DIAPH3: variants seen among roughly 807,000 people sequenced by gnomAD.
DIAPH3 encodes diaphanous related formin 3.
Under a neutral mutation model 144.3 loss-of-function variants are expected in DIAPH3, and 117 were observed. The observed-to-expected ratio is 0.81, with a 90% confidence interval of 0.70 to 0.95. DIAPH3 has a LOEUF of 0.95. Among genes scored for constraint, DIAPH3 ranks in the 40% least tolerant of loss-of-function variants. DIAPH3 has a pLI of 0.00. For synonymous variants in DIAPH3, 519 were observed against 488.9 expected, an observed-to-expected ratio of 1.06 and a Z score of -0.81; for missense variants, 1,421 against 1,412.7, an observed-to-expected ratio of 1.01 and a Z score of -0.09.
chr13:60,010,622 C>T lies in DIAPH3; in HGVS notation c.819G>A (p.Leu273=). The T allele has an allele frequency of 2.5e-6, 4 of 1,613,632 alleles. No individual in the cohort carries two copies. Among genetic ancestry groups the T allele is most frequent in the Non-Finnish European group, 3.4e-6 (4 of 1,179,800 alleles). Residue 273 remains leucine, a synonymous_variant, in exon 8 of 28, where the codon TTG becomes TTA. Transcript: ENST00000400324. ...GGTGTCTGGGATCCACGGCTTTGGCCAATAAGGAAAGGCTCCTCTCCTCAC... is the reference window on the plus strand; with the variant it reads ...GGTGTCTGGGATCCACGGCTTTGGCTAATAAGGAAAGGCTCCTCTCCTCAC... ...IMSEERSLSL[L]AKAVDPRHPN...
chr13:59,852,104 T>C (rs2043010082), intron 22 of DIAPH3, among the ~76,000 whole-genome samples: 1 of 152,178 alleles, frequency 6.6e-6, no homozygotes, highest in Non-Finnish European at 1.5e-5. Context: ...ACTAGCTCTT[T>C]TTTCCATAAA....
chr13:59,756,989 T>C (rs1308015030), intron 27 of DIAPH3, among the ~76,000 whole-genome samples: 1 of 152,226 alleles, frequency 6.6e-6, no homozygotes, highest in African/African-American at 2.4e-5. Flanking sequence ...CATAGTTTGC[T>C]AAGAAATACT....
intron 17 of DIAPH3, among the ~76,000 whole-genome samples, chr13:59,945,994 A>G (rs1457288365): frequency 6.6e-6 from 1 of 152,252 alleles, no homozygotes; most frequent in Non-Finnish European, 1.5e-5. Flanking sequence ...TTAAGTAGGC[A>G]GTGAGTTACA....
chr13:59,801,004 A>G (rs1338194987), intron 25 of DIAPH3, among the ~76,000 whole-genome samples: 1 of 152,210 alleles, frequency 6.6e-6, no homozygotes, highest in African/African-American at 2.4e-5. Context: ...ATATCAAACC[A>G]TAAAATAAAT....
In DIAPH3 at chr13:59,850,645, C is replaced by G. The variant is rs537712269; in HGVS notation, c.2737+10762G>C. Among the ~76,000 whole-genome samples the G allele has an allele frequency of 3.3e-5, 5 of 151,928 alleles. No individual in the cohort carries two copies. The South Asian group carries it at 1.0e-3, about 32-fold the overall frequency. Reference sequence around the variant, plus strand: ...ATTTATTGATTTGCGTATATTGAACCAGCCTTGCATCCCAGGGATGAAGCC... The same window carrying G: ...ATTTATTGATTTGCGTATATTGAACGAGCCTTGCATCCCAGGGATGAAGCC... On this transcript the variant is annotated intron_variant, in intron 22 of 27. Transcript: ENST00000400324.
chr13:59,709,793 C>T (rs1484169894), intron 27 of DIAPH3, among the ~76,000 whole-genome samples: 7 of 152,254 alleles, frequency 4.6e-5, no homozygotes, highest in South Asian at 2.1e-4. Context: ...GACACATGCA[C>T]GTGTATGTTT....
chr13:59,843,545 G>A (rs1308382478), intron 22 of DIAPH3, among the ~76,000 whole-genome samples: 1 of 152,166 alleles, frequency 6.6e-6, no homozygotes, highest in Non-Finnish European at 1.5e-5. Context: ...GAAATGAGAA[G>A]GATCTCACCG....
intron 1 of DIAPH3, among the ~76,000 whole-genome samples, chr13:60,156,955 T>A (rs773310458): frequency 0.038 from 2,903 of 76,646 alleles, 102 homozygotes; most frequent in Non-Finnish European, 0.053. Context: ...TTTTTTTTTT[T>A]TTTTGAGACA....
At chr13:59,727,292 C>CAA (rs140481358) in intron 27 of DIAPH3, among the ~76,000 whole-genome samples, 27 of 151,396 alleles carry the variant, frequency 1.8e-4, no homozygotes, top group Non-Finnish European at 2.8e-4. Context: ...TCACATAGAG[C>CAA]AAAAAAAAAA....
intron 9 of DIAPH3, among the ~76,000 whole-genome samples, chr13:59,993,376 GATA>G (rs2051965239): frequency 6.6e-6 from 1 of 151,700 alleles, no homozygotes; most frequent in African/African-American, 2.4e-5. Flanking sequence ...TGTTGTTGTT[GATA>G]ATACTATTTT....
intron 14 of DIAPH3, among the ~76,000 whole-genome samples, chr13:59,976,566 C>A (rs943259355): frequency 3.3e-5 from 5 of 151,796 alleles, no homozygotes; most frequent in Non-Finnish European, 7.4e-5. Context: ...CATATTCAAC[C>A]TCTTTTCCTG....
chr13:59,839,399 A>G lies in DIAPH3; in HGVS notation c.2787T>C (p.Leu929=), dbSNP rs778886062. 6.2e-7 allele frequency: 1 copy of G among 1,613,770 alleles called. No individual in the cohort carries two copies. Among genetic ancestry groups the G allele is most frequent in the South Asian group, 1.1e-5 (1 of 91,078 alleles). ...TTTCCAATTCCTTCTCAAGCTGTTG[A>G]AGCTGCCTTCCCATCTGCCTCAAAT... ...EKNLRQMGRQ[L]QQLEKELETF... Residue 929 remains leucine (L), a synonymous_variant, in exon 23 of 28, where the codon CTT becomes CTC. Coordinates refer to ENST00000400324, the MANE Select transcript of DIAPH3 (RefSeq NM_001042517.2).
intron 1 of DIAPH3, among the ~76,000 whole-genome samples, chr13:60,156,918 C>CAT (rs1233542016): frequency 0.012 from 642 of 55,622 alleles, 20 homozygotes; most frequent in East Asian, 0.027. Flanking sequence ...CCAGATCCTT[C>CAT]ATATATATAT....
At chr13:60,037,004 C>T in intron 5 of DIAPH3, among the ~76,000 whole-genome samples, 1 of 10,142 alleles carries the variant, frequency 9.9e-5, no homozygotes, top group Non-Finnish European at 2.1e-4. Context: ...AGAAATCTCA[C>T]CCAGACACGT....
At chr13:60,129,504 A>C (rs2059082010) in intron 2 of DIAPH3, among the ~76,000 whole-genome samples, 1 of 152,182 alleles carries the variant, frequency 6.6e-6, no homozygotes, top group South Asian at 2.1e-4. Flanking sequence ...TAACCTTAAA[A>C]CATGAAGTAC....
At chr13:59,720,639 G>A (rs918522549) in intron 27 of DIAPH3, among the ~76,000 whole-genome samples, 6 of 152,062 alleles carry the variant, frequency 3.9e-5, no homozygotes, top group East Asian at 1.9e-4. Flanking sequence ...ATAAAATGCT[G>A]TAAAATATAT....
At chr13:59,962,264 A>G (rs1007599726) in intron 17 of DIAPH3, among the ~76,000 whole-genome samples, 3 of 152,220 alleles carry the variant, frequency 2.0e-5, no homozygotes, top group African/African-American at 7.2e-5. Context: ...CTTTCTCAAA[A>G]TAGTATTTTT....
chr13:59,989,998 T>C (rs2051703332), intron 12 of DIAPH3, among the ~76,000 whole-genome samples: 1 of 151,918 alleles, frequency 6.6e-6, no homozygotes, highest in African/African-American at 2.4e-5. Context: ...TAAGTAAATT[T>C]GGAGTAGAAA....
intron 27 of DIAPH3, among the ~76,000 whole-genome samples, chr13:59,751,397 A>T (rs769060640): frequency 6.6e-6 from 1 of 152,220 alleles, no homozygotes; most frequent in Admixed American, 6.5e-5. Flanking sequence ...ATCATTATGG[A>T]TCCATTCCTT....
Sources: gnomAD v4.1 joint callset for allele counts (sites outside exome capture counted in the v4.1 genomes callset) on GRCh38, gnomAD v4.1.1 for gene constraint, MANE v1.5 for transcripts, NCBI Gene and HGNC (gene_info 2026-07-23, HGNC 2026-07-21) for gene names.